RARB: variants seen among roughly 807,000 people sequenced by gnomAD.
The protein encoded by RARB is HBV-activated protein.
RARB carries 17 observed loss-of-function variants against 51.9 expected under a neutral mutation model. The ratio of observed to expected loss-of-function variants is 0.33; its 90% CI spans 0.22 to 0.49. RARB has a LOEUF of 0.49. RARB is among the 20% of genes least tolerant of loss of function. RARB has a pLI of 0.99. For missense variants in RARB, 369 were observed against 550.8 expected (o/e 0.67, Z 3.30); for synonymous variants, 215 against 195.4 (o/e 1.10, Z -0.84).
rs902050831 is a variant in RARB, at chr3:25,498,267, C to A, written c.307-2915C>A. Among the ~76,000 whole-genome samples, 3 of 151,984 alleles carry A rather than the reference C, an allele frequency of 2.0e-5. No individual in the cohort carries two copies. The East Asian group carries it at 5.8e-4, about 29-fold the overall frequency. The stretch of plus-strand genomic sequence containing the variant: ...GGTGTATGAGGATAACTGCCCCCAC[C>A]CCCTACCCGCCACACACTCTGGGTC... On this transcript the variant is annotated intron_variant, in intron 2 of 7. Coordinates refer to ENST00000330688, the MANE Select transcript of RARB (RefSeq NM_000965.5).
chr3:24,936,705 A>AT (rs1695555529), intron 2 of RARB, among the ~76,000 whole-genome samples: 1 of 152,208 alleles, frequency 6.6e-6, no homozygotes, highest in Non-Finnish European at 1.5e-5. Flanking sequence ...GAAAATTATG[A>AT]TTTTTGGCAC....
chr3:24,996,176 T>G (rs972492840), intron 2 of RARB, among the ~76,000 whole-genome samples: 3 of 152,116 alleles, frequency 2.0e-5, no homozygotes, highest in African/African-American at 7.2e-5. Context: ...TCTTTGTGGT[T>G]CAATCTTGGT....
chr3:25,569,019 G>A (rs570012698), intron 3 of RARB, among the ~76,000 whole-genome samples: 8 of 152,356 alleles, frequency 5.3e-5, no homozygotes, highest in South Asian at 2.1e-4. Flanking sequence ...TGCTTGGCTC[G>A]GAGCATGCAG....
chr3:25,453,398 T>TCA (rs1287567358), intron 1 of RARB, among the ~76,000 whole-genome samples: 2 of 151,806 alleles, frequency 1.3e-5, no homozygotes, highest in Non-Finnish European at 2.9e-5. Flanking sequence ...CAGGCATGCA[T>TCA]CATCACGCCT....
upstream of RARB, among the ~76,000 whole-genome samples, chr3:25,425,949 T>G (rs143165352): frequency 9.2e-5 from 14 of 152,322 alleles, no homozygotes; most frequent in East Asian, 2.7e-3. Flanking sequence ...TGATGCCATG[T>G]TTCTCATCTC....
chr3:25,473,475 G>T (rs1241890664), intron 2 of RARB, among the ~76,000 whole-genome samples: 2 of 151,712 alleles, frequency 1.3e-5, no homozygotes, highest in Admixed American at 6.6e-5. Flanking sequence ...GCAGCGTCCT[G>T]CCTGGATTTC....
chr3:25,235,111 C>A (rs1174756241), intron 5 of RARB, among the ~76,000 whole-genome samples: 1 of 152,164 alleles, frequency 6.6e-6, no homozygotes. Flanking sequence ...CCAGCACAGG[C>A]CACTAAGCTT....
chr3:25,169,943 G>C (rs1157711497), intron 4 of RARB, among the ~76,000 whole-genome samples: 1 of 147,874 alleles, frequency 6.8e-6, no homozygotes, highest in Admixed American at 6.8e-5. Context: ...AACTGTGATT[G>C]TGCTGCTGCA....
intron 5 of RARB, among the ~76,000 whole-genome samples, chr3:25,192,381 C>T (rs1252385480): frequency 6.6e-6 from 1 of 152,014 alleles, no homozygotes; most frequent in Non-Finnish European, 1.5e-5. Context: ...TGTAAATATC[C>T]TCCCTGATGA....
chr3:25,223,759 G>A (rs576623769), intron 5 of RARB, among the ~76,000 whole-genome samples: 1 of 152,292 alleles, frequency 6.6e-6, no homozygotes, highest in Admixed American at 6.5e-5. Flanking sequence ...TTATAGAAGT[G>A]CTTGTAAAGT....
At chr3:25,017,493 C>G (rs1697538671) in intron 2 of RARB, among the ~76,000 whole-genome samples, 1 of 152,076 alleles carries the variant, frequency 6.6e-6, no homozygotes, top group Non-Finnish European at 1.5e-5. Flanking sequence ...GGAGCATTGG[C>G]TTATCTGGTG....
At chr3:24,963,658 A>G (rs1696191464) in intron 2 of RARB, among the ~76,000 whole-genome samples, 1 of 152,048 alleles carries the variant, frequency 6.6e-6, no homozygotes, top group Non-Finnish European at 1.5e-5. Flanking sequence ...CAGACAAGGA[A>G]CATTTCCTAA....
intron 3 of RARB, among the ~76,000 whole-genome samples, chr3:25,079,149 G>C (rs1362957454): frequency 6.6e-6 from 1 of 151,190 alleles, no homozygotes; most frequent in Non-Finnish European, 1.5e-5. Context: ...TTTTGTTCTT[G>C]TCAACAGTAT....
intron 5 of RARB, among the ~76,000 whole-genome samples, chr3:25,372,640 T>A (rs1469506635): frequency 6.6e-6 from 1 of 152,024 alleles, no homozygotes; most frequent in Non-Finnish European, 1.5e-5. Flanking sequence ...TAGGCAAACA[T>A]AATGAGACCC....
intron 5 of RARB, among the ~76,000 whole-genome samples, chr3:25,255,968 C>T (rs1291995701): frequency 6.6e-6 from 1 of 152,042 alleles, no homozygotes; most frequent in East Asian, 1.9e-4. Flanking sequence ...TAAAAGTGAC[C>T]TTTTCCCTCT....
intron 2 of RARB, among the ~76,000 whole-genome samples, chr3:24,942,988 A>G (rs1203805714): frequency 6.6e-6 from 1 of 152,184 alleles, no homozygotes; most frequent in African/African-American, 2.4e-5. Flanking sequence ...CAATATTTGT[A>G]ATAAGAATTG....
At chr3:25,499,573 G>A (rs1049694616) in intron 2 of RARB, among the ~76,000 whole-genome samples, 38 of 152,164 alleles carry the variant, frequency 2.5e-4, no homozygotes, top group African/African-American at 7.0e-4. Flanking sequence ...TATTTCATCG[G>A]TGTTTCCCAG....
Position 25,196,711 on chromosome 3 carries a change from C to T in RARB, c.178+22136C>T, listed in dbSNP as rs542647927. Reference sequence around the variant, plus strand: ...AACAGTGTAAAGTGTTCCTATTTCTCCACATCCTCTCCAGCACCTGTTGTT... The same window carrying T: ...AACAGTGTAAAGTGTTCCTATTTCTTCACATCCTCTCCAGCACCTGTTGTT... On this transcript the variant is annotated intron_variant, in intron 5 of 11. Transcript: ENST00000383772. 1.8e-4 allele frequency among the ~76,000 whole-genome samples: 27 copies of T among 152,234 alleles called. No individual in the cohort carries two copies. The South Asian group carries it at 5.0e-3, about 28-fold the overall frequency.
chr3:24,967,118 A>G (rs886215032), intron 2 of RARB, among the ~76,000 whole-genome samples: 2 of 152,178 alleles, frequency 1.3e-5, no homozygotes, highest in African/African-American at 4.8e-5. Flanking sequence ...ATTATCTTGA[A>G]AAATCAGAAG....
Sources: gnomAD v4.1 joint callset for allele counts (sites outside exome capture counted in the v4.1 genomes callset) on GRCh38, gnomAD v4.1.1 for gene constraint, MANE v1.5 for transcripts, NCBI Gene and HGNC (gene_info 2026-07-23, HGNC 2026-07-21) for gene names.